NLRC5: variants seen among roughly 807,000 people sequenced by gnomAD.
NLRC5 encodes NLR family CARD domain containing 5.
Under a neutral mutation model 206.9 loss-of-function variants are expected in NLRC5, and 114 were observed. The observed-to-expected ratio is 0.55, with a 90% CI of 0.47 to 0.64. NLRC5 has a LOEUF of 0.64. Ranked by LOEUF, NLRC5 falls within the 30% of genes least tolerant of loss-of-function variation. The pLI is 0.00. For missense variants in NLRC5, 2,008 were observed against 2,305.5 expected, an observed-to-expected ratio of 0.87 and a Z score of 2.64; for synonymous variants, 952 against 962.8, an observed-to-expected ratio of 0.99 and a Z score of 0.21.
chr16:57,082,261 C>A (rs75535316), intron 48 of NLRC5, among the ~76,000 whole-genome samples, 156 bp from the exon 49 acceptor site: 1 of 152,154 alleles, frequency 6.6e-6, no homozygotes, highest in Non-Finnish European at 1.5e-5. Context: ...GTGGGGTACA[C>A]CCTCTCCCTA....
At chr16:57,079,387 G>A in intron 45 of NLRC5, 95 bp downstream of exon 45, 1 of 1,457,348 alleles carries the variant, frequency 6.9e-7, no homozygotes, top group Non-Finnish European at 9.6e-7. Context: ...CCTTTGAAGT[G>A]ATAGAAGCCC....
Position 57,025,649 on chromosome 16 carries a change from A to T in NLRC5, c.706A>T (p.Thr236Ser). 6.2e-7 allele frequency: 1 copy of T among 1,614,100 alleles called. No homozygotes were observed. The part of the protein sequence containing the change: ...LLGKAGMGKT[T>S]LAHRLCQKWA... ...GGGGAAGGCTGGCATGGGCAAGACC[A>T]CGCTGGCCCACCGGCTCTGCCAGAA... The change falls in exon 6 of 49, where the codon ACG (threonine) becomes TCG (serine). Residue 236 changes from threonine (T) to serine (S), a missense_variant. By Grantham distance (58) the Thr-to-Ser change is moderately conservative. Transcript: ENST00000688547.
At chr16:57,045,398 G>A (rs1469778095) in intron 20 of NLRC5, 50 bp from the exon 21 acceptor site, 1 of 1,607,222 alleles carries the variant, frequency 6.2e-7, no homozygotes, top group Non-Finnish European at 8.5e-7. Flanking sequence ...CACTGCCAGG[G>A]AAGTTGGTCT....
chr16:57,043,684 C>T, intron 20 of NLRC5, 80 bp downstream of exon 20: 1 of 1,118,370 alleles, frequency 8.9e-7, no homozygotes, highest in Non-Finnish European at 1.4e-6. Context: ...GCCCCTTGTC[C>T]ACCAGTTTCA....
intron 22 of NLRC5, among the ~76,000 whole-genome samples, chr16:57,046,858 C>A (rs1378831494): frequency 1.3e-5 from 2 of 152,216 alleles, no homozygotes; most frequent in African/African-American, 4.8e-5. Flanking sequence ...GCCCCGCATT[C>A]TCCTTGGAGA....
chr16:57,032,260 C>T (rs1216802508), intron 11 of NLRC5, among the ~76,000 whole-genome samples: 15 of 151,574 alleles, frequency 9.9e-5, no homozygotes, highest in African/African-American at 2.2e-4. Context: ...AAAAGGCAGG[C>T]GTGGTGGTGC....
At chr16:57,014,406 T>C (rs1296861262) in intron 1 of NLRC5, among the ~76,000 whole-genome samples, 1 of 152,254 alleles carries the variant, frequency 6.6e-6, no homozygotes, top group Non-Finnish European at 1.5e-5. Flanking sequence ...GAAGCTTTTT[T>C]GCTATTGTCT....
intron 23 of NLRC5, among the ~76,000 whole-genome samples, chr16:57,048,990 T>C (rs894238800): frequency 1.4e-4 from 21 of 152,120 alleles, no homozygotes; most frequent in Admixed American, 1.2e-3. Context: ...CACACCCTTC[T>C]AGAGTCTAGA....
chr16:56,999,299 A>G (rs968632516), intron 1 of NLRC5, among the ~76,000 whole-genome samples: 5 of 152,242 alleles, frequency 3.3e-5, no homozygotes, highest in East Asian at 1.9e-4. Context: ...CTGGGCCCCA[A>G]GGCTGTCCAT....
chr16:57,079,437 C>A, intron 45 of NLRC5, 109 bp from the exon 46 acceptor site: 1 of 1,366,798 alleles, frequency 7.3e-7, no homozygotes. Context: ...GGAAGTCTTT[C>A]CTAAAACGCC....
intron 35 of NLRC5, 87 bp from the exon 36 acceptor site, chr16:57,067,649 T>C: frequency 7.0e-7 from 1 of 1,429,912 alleles, no homozygotes; most frequent in Non-Finnish European, 9.8e-7. Flanking sequence ...TGGCCCCTTC[T>C]CCTCTCTTGG....
chr16:57,061,732 G>A, intron 32 of NLRC5, 31 bp downstream of exon 32: 1 of 1,587,238 alleles, frequency 6.3e-7, no homozygotes, highest in South Asian at 1.1e-5. Context: ...TCCGGGAGGG[G>A]CCATGGCATG....
intron 39 of NLRC5, among the ~76,000 whole-genome samples, chr16:57,075,614 G>T (rs1490461240): frequency 6.6e-6 from 1 of 152,140 alleles, no homozygotes; most frequent in African/African-American, 2.4e-5. Flanking sequence ...CTCAGATGGG[G>T]TGGCCTTCCT....
At chr16:57,028,535 T>G in intron 8 of NLRC5, 150 bp downstream of exon 8, 1 of 638,268 alleles carries the variant, frequency 1.6e-6, no homozygotes, top group African/African-American at 1.8e-5. Context: ...AAGTACTCAG[T>G]AGGGCTGAGT....
In NLRC5 at chr16:57,028,380, A is replaced by T. The variant is rs1407658854; in HGVS notation, c.2238A>T (p.Glu746Asp). 1.9e-6 allele frequency: 3 copies of T among 1,613,526 alleles called. No homozygotes were observed. In the African/African-American group the frequency reaches 4.0e-5, roughly 22 times the overall value. ...KALPLCPQLKEVSFRDNQLSD... is the reference protein window; with the variant it reads ...KALPLCPQLKDVSFRDNQLSD... ...TGCCTCTCTGTCCACAGCTGAAAGA[A>T]GTCAGGTGAGTGATCTCCAGGAGGG... is the stretch of plus-strand genomic sequence containing the variant. The change falls in exon 8 of 49, where the codon GAA (glutamate) becomes GAT (aspartate). Residue 746 changes from glutamate (E) to aspartate (D), a missense_variant. Transcript: ENST00000688547.
chr16:57,049,263 GGTGTT>G (rs1413651214), intron 23 of NLRC5, among the ~76,000 whole-genome samples: 1 of 152,226 alleles, frequency 6.6e-6, no homozygotes, highest in Non-Finnish European at 1.5e-5. Flanking sequence ...ACTGCTTCTA[GGTGTT>G]GTGTTTTGTT....
At chr16:57,079,429 A>G (rs75003587) in intron 45 of NLRC5, 117 bp from the exon 46 acceptor site, 143,828 of 1,359,230 alleles carry the variant, frequency 0.11, 8,663 homozygotes, top group South Asian at 0.13. Context: ...TCAAGAAAGG[A>G]AGTCTTTCCT....
At chr16:57,076,759 A>G in intron 39 of NLRC5, 60 bp from the exon 40 acceptor site, 1 of 1,484,910 alleles carries the variant, frequency 6.7e-7, no homozygotes, top group Non-Finnish European at 9.4e-7. Flanking sequence ...TTCTTAGCAC[A>G]GCACCTGCAA....
chr16:57,076,224 T>G (rs2068380748), intron 39 of NLRC5, among the ~76,000 whole-genome samples: 2 of 152,200 alleles, frequency 1.3e-5, no homozygotes, highest in Admixed American at 6.5e-5. Flanking sequence ...CCCATTAAAA[T>G]TTAATTTGCA....
Sources: allele counts gnomAD v4.1 joint callset (sites outside exome capture counted in the v4.1 genomes callset), GRCh38; gene constraint gnomAD v4.1.1; transcripts MANE v1.5; gene names NCBI Gene and HGNC (gene_info 2026-07-23, HGNC 2026-07-21).